Variants in GPR21 observed in about 807,000 individuals in gnomAD.
GPR21 encodes the protein probable G protein-coupled receptor 21.
In GPR21, 9 loss-of-function variants were observed where a neutral mutation model predicts 21.5. The ratio of observed to expected loss-of-function variants is 0.42; its 90% CI spans 0.25 to 0.73. GPR21 has a LOEUF of 0.73. Ranked by LOEUF, GPR21 falls within the 30% of genes least tolerant of loss-of-function variation. The pLI, the probability that GPR21 is intolerant of heterozygous loss-of-function variation, is 0.27. For synonymous variants in GPR21, 169 were observed against 159.3 expected, an observed-to-expected ratio of 1.06 and a Z score of -0.46; for missense variants, 416 against 428.9, an observed-to-expected ratio of 0.97 and a Z score of 0.27.
chr9:123,045,275 C>T, the GPR21 span, among the ~76,000 whole-genome samples: 1 of 152,076 alleles, frequency 6.6e-6, no homozygotes, highest in African/African-American at 2.4e-5. Context: ...CGGAGGAAAC[C>T]TCAACTGCCA....
chr9:123,047,919 G>GGT, the GPR21 span, among the ~76,000 whole-genome samples: 1 of 62,252 alleles, frequency 1.6e-5, no homozygotes, highest in Non-Finnish European at 3.6e-5. Flanking sequence ...CAGCTGCTGG[G>GGT]TTTTTTTTTT....
chr9:123,042,403 C>T, the GPR21 span, among the ~76,000 whole-genome samples: 1 of 152,076 alleles, frequency 6.6e-6, no homozygotes, highest in African/African-American at 2.4e-5. Context: ...AACAATCAAG[C>T]AAATGACAGA....
chr9:123,048,772 GGTAACA>G, the GPR21 span, among the ~76,000 whole-genome samples: 7 of 152,278 alleles, frequency 4.6e-5, no homozygotes, highest in South Asian at 1.5e-3. Flanking sequence ...ACTTTTGTCA[GGTAACA>G]GTACTTGAGT....
chr9:123,036,631 A>T (rs1431637782), downstream of GPR21, among the ~76,000 whole-genome samples: 3 of 152,180 alleles, frequency 2.0e-5, no homozygotes, highest in East Asian at 1.9e-4. Context: ...TTGTTTTTTT[A>T]AAATACAAGG....
chr9:123,042,657 G>T, the GPR21 span, among the ~76,000 whole-genome samples: 1 of 152,120 alleles, frequency 6.6e-6, no homozygotes, highest in Admixed American at 6.5e-5. Context: ...AAGGCAGAGA[G>T]ACAGAAAATA....
the GPR21 span, among the ~76,000 whole-genome samples, chr9:123,046,862 G>A: frequency 1.3e-5 from 2 of 152,120 alleles, no homozygotes; most frequent in African/African-American, 4.8e-5. Context: ...CATAAATATA[G>A]AATCCTTAAG....
At chr9:123,036,987 C>T (rs1299804038), downstream of GPR21, among the ~76,000 whole-genome samples, 2 of 152,032 alleles carry the variant, frequency 1.3e-5, no homozygotes, top group Non-Finnish European at 2.9e-5. Flanking sequence ...GAAGGAATTC[C>T]GGCAGCTCCA....
rs1170910916 is a variant in GPR21 at position 123,035,300 on chromosome 9, G to C, written c.734G>C (p.Cys245Ser). 1.2e-6 allele frequency: 2 copies of C among 1,614,162 alleles called. No homozygotes were observed. Among genetic ancestry groups the C allele is most frequent in the East Asian group, 2.2e-5 (1 of 44,886 alleles). Reference sequence around the variant, plus strand: ...GGGGAGACTGGGGAAGTGCAGGCCTGTCCTGATAAGCGCTATGCCATGGTC... The same window carrying C: ...GGGGAGACTGGGGAAGTGCAGGCCTCTCCTGATAAGCGCTATGCCATGGTC... ...QSGETGEVQA[C>S]PDKRYAMVLF... Residue 245 changes from cysteine (C) to serine (S), a missense_variant, in exon 2 of 2, where the codon TGT (cysteine) becomes TCT (serine). Cys to Ser is a moderately radical substitution (Grantham distance 112, BLOSUM62 -1). Transcript: ENST00000616002.
chr9:123,036,056 G>C (rs1208329538), downstream of GPR21, among the ~76,000 whole-genome samples: 1 of 152,042 alleles, frequency 6.6e-6, no homozygotes, highest in South Asian at 2.1e-4. Context: ...TTCTTCTAAC[G>C]GAATAGTAAA....
Position 123,035,177 on chromosome 9 carries a change from C to T in GPR21, c.611C>T (p.Ala204Val). The T allele has an allele frequency of 1.9e-6, 3 of 1,613,800 alleles. No homozygotes were observed. The South Asian group carries it at 3.3e-5, about 18-fold the overall frequency. The change falls in exon 2 of 2, where the codon GCC (alanine) becomes GTC (valine). Residue 204 changes from alanine to valine, a missense_variant. Ala to Val is a moderately conservative substitution (Grantham distance 64). Coordinates refer to ENST00000616002, the MANE Select transcript of GPR21 (RefSeq NM_005294.3). The part of the protein sequence containing the change: ...FIVMMLYAPA[A>V]LIVCFTYFNI... Reference sequence around the variant, plus strand: ...GTGATGATGTTATATGCCCCAGCAGCCCTTATTGTCTGCTTCACCTATTTC... The same window carrying T: ...GTGATGATGTTATATGCCCCAGCAGTCCTTATTGTCTGCTTCACCTATTTC...
At chr9:123,048,723 A>G in the GPR21 span, among the ~76,000 whole-genome samples, 3 of 152,198 alleles carry the variant, frequency 2.0e-5, no homozygotes, top group African/African-American at 7.2e-5. Flanking sequence ...CCCTTTGACT[A>G]TCACCACCTC....
At chr9:123,041,334 AC>A in the GPR21 span, among the ~76,000 whole-genome samples, 1 of 152,154 alleles carries the variant, frequency 6.6e-6, no homozygotes, top group African/African-American at 2.4e-5. Flanking sequence ...CTTATATTCT[AC>A]ATTTAATTTT....
downstream of GPR21, among the ~76,000 whole-genome samples, chr9:123,040,245 G>GT (rs1361800220): frequency 6.6e-6 from 1 of 152,128 alleles, no homozygotes; most frequent in Non-Finnish European, 1.5e-5. Context: ...CCACAGCACT[G>GT]TTTTTTGTGG....
At chr9:123,046,565 A>G in the GPR21 span, among the ~76,000 whole-genome samples, 2 of 152,208 alleles carry the variant, frequency 1.3e-5, no homozygotes, top group African/African-American at 2.4e-5. Context: ...CAGTTGTCTT[A>G]ACTAATGACA....
the GPR21 span, among the ~76,000 whole-genome samples, chr9:123,042,586 A>AT: frequency 4.6e-5 from 7 of 152,252 alleles, no homozygotes; most frequent in Admixed American, 2.6e-4. Flanking sequence ...AAGTATAATA[A>AT]TTTTTTTGTT....
the GPR21 span, among the ~76,000 whole-genome samples, chr9:123,047,558 A>T: frequency 3.3e-5 from 5 of 152,268 alleles, no homozygotes; most frequent in East Asian, 9.6e-4. Flanking sequence ...GTTTACTTAT[A>T]GCTTTATACT....
In GPR21 at chr9:123,035,599, A is replaced by G. The variant is rs778402783; in HGVS notation, c.1033A>G (p.Asn345Asp). 16 of 1,589,440 alleles carry G rather than the reference A, an allele frequency of 1.0e-5. No individual in the cohort carries two copies. The highest frequency in any genetic ancestry group is 1.3e-5 in the Non-Finnish European group (15 of 1,170,962). ...CACAGTTAGAAGCAAAGGCCCTCTT[A>G]ATGGATGTCATATCTGAAGTGGCTC... ...PYTVRSKGPLNGCHI is the reference protein window; with the variant it reads ...PYTVRSKGPLDGCHI The change falls in exon 2 of 2, where the codon AAT (asparagine) becomes GAT (aspartate). Residue 345 changes from asparagine to aspartate, a missense_variant. By Grantham distance (23) the Asn-to-Asp change is conservative. Coordinates refer to ENST00000616002, the MANE Select transcript of GPR21 (RefSeq NM_005294.3).
rs1307701328 is a variant in GPR21, at chr9:123,034,400, A to G, written c.-167A>G. On this transcript the variant is annotated 5_prime_UTR_variant, in exon 2 of 2. Coordinates refer to ENST00000616002, the MANE Select transcript of GPR21 (RefSeq NM_005294.3). ...CAGGAAGGATTTAAAGGGGAATTGC[A>G]CTGCAGGCAATGCACCAGAGCAGCA... is the stretch of plus-strand genomic sequence containing the variant. 1 of 608,198 alleles carries G rather than the reference A, an allele frequency of 1.6e-6. No individual in the cohort carries two copies. Among genetic ancestry groups the G allele is most frequent in the Admixed American group, 3.0e-5 (1 of 33,638 alleles). The allele number at this position is 608,198 out of a possible 1,614,324, so 37.7% of individuals were successfully genotyped here.
At chr9:123,048,593 T>G in the GPR21 span, among the ~76,000 whole-genome samples, 5 of 152,232 alleles carry the variant, frequency 3.3e-5, no homozygotes, top group Non-Finnish European at 4.4e-5. Context: ...GCAGTTTACT[T>G]GGTAATAATA....
Sources: allele counts gnomAD v4.1 joint callset (sites outside exome capture counted in the v4.1 genomes callset), GRCh38; gene constraint gnomAD v4.1.1; transcripts MANE v1.5; gene names NCBI Gene and HGNC (gene_info 2026-07-23, HGNC 2026-07-21).